The following TIMM23 variants were observed in gnomAD, a reference collection of about 807,000 sequenced individuals.
The protein encoded by TIMM23 is translocase of inner mitochondrial membrane 23, also known as mitochondrial import inner membrane translocase subunit Tim23.
TIMM23 carries 19 observed loss-of-function variants against 30.7 expected under a neutral mutation model. The ratio of observed to expected loss-of-function variants is 0.62; its 90% CI spans 0.43 to 0.91. The LOEUF is 0.91. TIMM23 is among the 40% of genes least tolerant of loss of function. The probability of loss-of-function intolerance (pLI) is 0.00; values close to 1 mark genes in which losing one functional copy is unlikely to be tolerated. For missense variants in TIMM23, 202 were observed against 269.2 expected (o/e 0.75, Z 1.75); for synonymous variants, 78 against 98.5 (o/e 0.79, Z 1.23).
chr10:45,994,733 C>T lies in TIMM23; in HGVS notation c.514+5886C>T, dbSNP rs1358361301. 5.4e-5 allele frequency among the ~76,000 whole-genome samples: 8 copies of T among 147,624 alleles called. No homozygotes were observed. The East Asian group carries it at 1.4e-3, about 26-fold the overall frequency. Reference sequence around the variant, plus strand: ...TTGGGATTACAGGTGTGAACCACCGCGCCCGGCCCCCTCTTTTTTTAAATT... The same window carrying T: ...TTGGGATTACAGGTGTGAACCACCGTGCCCGGCCCCCTCTTTTTTTAAATT... On this transcript the variant is annotated intron_variant, in intron 6 of 6. Coordinates refer to ENST00000580018, the MANE Select transcript of TIMM23 (RefSeq NM_006327.4).
chr10:45,982,669 T>C (rs1269778439), intron 3 of TIMM23, 53 bp downstream of exon 3: 20 of 1,607,700 alleles, frequency 1.2e-5, no homozygotes, highest in Non-Finnish European at 1.6e-5. Context: ...TAGTTGAGGG[T>C]GCGTAAAATC....
At chr10:45,975,567 G>A (rs1369769696) in intron 2 of TIMM23, 55 bp downstream of exon 2, 174 of 1,605,574 alleles carry the variant, frequency 1.1e-4, no homozygotes, top group Non-Finnish European at 1.3e-4. Context: ...TAAAAAAAAC[G>A]CCAAGTGCTA....
intron 1 of TIMM23, 53 bp from the exon 2 acceptor site, chr10:45,975,401 C>G (rs1837638822): frequency 6.2e-7 from 1 of 1,600,462 alleles, no homozygotes; most frequent in Non-Finnish European, 8.6e-7. Flanking sequence ...TTAACTCTAA[C>G]TGGATTAACT....
At chr10:45,973,495 A>C (rs1421321460) in intron 1 of TIMM23, among the ~76,000 whole-genome samples, 3 of 152,314 alleles carry the variant, frequency 2.0e-5, no homozygotes, top group Admixed American at 2.0e-4. Context: ...AATCCTTGTA[A>C]TATTTCTCTA....
intron 2 of TIMM23, among the ~76,000 whole-genome samples, chr10:45,981,494 C>G (rs1314849770): frequency 6.6e-6 from 1 of 151,808 alleles, no homozygotes; most frequent in Non-Finnish European, 1.5e-5. Context: ...GCCCAACAGA[C>G]CATTCTTATG....
At chr10:45,987,901 A>G (rs1250421899) in intron 5 of TIMM23, among the ~76,000 whole-genome samples, 1 of 151,926 alleles carries the variant, frequency 6.6e-6, no homozygotes, top group Non-Finnish European at 1.5e-5. Context: ...GGATTACAGA[A>G]ACTTTGTGAG....
At chr10:45,996,667 A>G (rs16914457) in intron 6 of TIMM23, among the ~76,000 whole-genome samples, 17 of 152,196 alleles carry the variant, frequency 1.1e-4, no homozygotes, top group East Asian at 1.9e-4. Context: ...TAGTGTGCCC[A>G]TGTTCATAAC....
intron 5 of TIMM23, among the ~76,000 whole-genome samples, chr10:45,988,456 C>T (rs1838063045): frequency 6.6e-6 from 1 of 152,100 alleles, no homozygotes; most frequent in Non-Finnish European, 1.5e-5. Flanking sequence ...GAAAGGAGGG[C>T]AGGAGAAGGT....
At chr10:45,984,113 A>T (rs1230772458) in intron 4 of TIMM23, among the ~76,000 whole-genome samples, 1 of 152,240 alleles carries the variant, frequency 6.6e-6, no homozygotes. Context: ...AGATCCTTCA[A>T]TATTTTTATT....
intron 2 of TIMM23, among the ~76,000 whole-genome samples, chr10:45,977,608 G>A (rs1373540112): frequency 6.6e-6 from 1 of 152,208 alleles, no homozygotes; most frequent in Non-Finnish European, 1.5e-5. Context: ...GAAATCATGG[G>A]CACAAGTAGT....
chr10:45,998,831 CTTTT>C (rs35752006), intron 6 of TIMM23, among the ~76,000 whole-genome samples: 5 of 125,190 alleles, frequency 4.0e-5, no homozygotes, highest in Non-Finnish European at 5.0e-5. Flanking sequence ...TCCCAAATAT[CTTTT>C]TTTTTTTTTT....
chr10:45,972,616 T>G lies in TIMM23; in HGVS notation c.-9T>G, dbSNP rs1354898827. ...CAGCGGCGGGAACCACTCGGTTTGCTGCGATACCATGGAAGGAGGCGGGGG... is the reference window on the plus strand; with the variant it reads ...CAGCGGCGGGAACCACTCGGTTTGCGGCGATACCATGGAAGGAGGCGGGGG... On this transcript the variant is annotated 5_prime_UTR_variant, in exon 1 of 7. Coordinates refer to ENST00000580018, the MANE Select transcript of TIMM23 (RefSeq NM_006327.4). 2 of 1,612,470 alleles carry G rather than the reference T, an allele frequency of 1.2e-6. No individual in the cohort carries two copies. The highest frequency in any genetic ancestry group is 2.7e-5 in the African/African-American group (2 of 74,906).
At chr10:45,984,970 G>C (rs1225577200) in intron 4 of TIMM23, among the ~76,000 whole-genome samples, 37 of 152,074 alleles carry the variant, frequency 2.4e-4, no homozygotes, top group Non-Finnish European at 5.9e-5. Flanking sequence ...CTCCCAAAAA[G>C]AACCTTTTAG....
intron 2 of TIMM23, among the ~76,000 whole-genome samples, chr10:45,977,918 C>G (rs1837723233): frequency 6.6e-6 from 1 of 151,996 alleles, no homozygotes; most frequent in Non-Finnish European, 1.5e-5. Context: ...GTAATCCCAG[C>G]TACTTGGGAG....
chr10:45,998,389 C>T lies in TIMM23; in HGVS notation c.515-4814C>T, dbSNP rs1838412498. On this transcript the variant is annotated intron_variant, in intron 6 of 6. Coordinates refer to ENST00000580018, the MANE Select transcript of TIMM23 (RefSeq NM_006327.4). ...AGAACTACATAAGGATCCCAAAATACAGGAGGTAAAACTGAAACACAAGTC... is the reference window on the plus strand; with the variant it reads ...AGAACTACATAAGGATCCCAAAATATAGGAGGTAAAACTGAAACACAAGTC... The T allele has an allele frequency of 1.8e-5, 18 of 985,220 alleles. No individual in the cohort carries two copies. In the South Asian group the frequency reaches 7.5e-4, roughly 41 times the overall value. 61.0% of individuals were successfully genotyped at this position (985,220 alleles called of 1,614,324 possible).
chr10:45,992,996 A>C, intron 6 of TIMM23, among the ~76,000 whole-genome samples: 1 of 152,082 alleles, frequency 6.6e-6, no homozygotes, highest in East Asian at 1.9e-4. Context: ...CATTTCCTAG[A>C]ACAATCCTTC....
chr10:45,982,687 A>G, intron 3 of TIMM23, 71 bp downstream of exon 3: 2 of 1,596,922 alleles, frequency 1.3e-6, no homozygotes, highest in South Asian at 1.1e-5. Flanking sequence ...ATCAAAAGCA[A>G]TTAGAATGTT....
chr10:45,984,205 G>A (rs1837934797), intron 4 of TIMM23, among the ~76,000 whole-genome samples: 1 of 152,068 alleles, frequency 6.6e-6, no homozygotes, highest in African/African-American at 2.4e-5. Context: ...AAAATACATA[G>A]CATAGTGAAC....
chr10:45,990,709 T>C, intron 6 of TIMM23: 2 of 420,044 alleles, frequency 4.8e-6, no homozygotes, highest in Non-Finnish European at 9.3e-6. Flanking sequence ...AGATGTGAGC[T>C]ACCATGCCTA....
Sources: allele counts gnomAD v4.1 joint callset (sites outside exome capture counted in the v4.1 genomes callset), GRCh38; gene constraint gnomAD v4.1.1; transcripts MANE v1.5; gene names NCBI Gene and HGNC (gene_info 2026-07-23, HGNC 2026-07-21).